RP1: variants seen among roughly 807,000 people sequenced by gnomAD.
RP1 encodes the protein RP1 axonemal microtubule associated.
A neutral mutation model predicts 14.8 loss-of-function variants in RP1; 16 were observed. The observed-to-expected ratio is 1.08, with a 90% confidence interval of 0.73 to 1.65. RP1 has a LOEUF of 1.65. Among genes scored for constraint, RP1 ranks in the 40% most tolerant of loss-of-function variants. RP1 has a pLI of 0.00. For synonymous variants in RP1, 876 were observed against 883.6 expected, an observed-to-expected ratio of 0.99 and a Z score of 0.15; for missense variants, 2,631 against 2,535.0, an observed-to-expected ratio of 1.04 and a Z score of -0.81.
In RP1 at chr8:54,630,382, C is replaced by T. The variant is rs1477280850; in HGVS notation, c.*29C>T. The T allele has an allele frequency of 1.2e-6, 2 of 1,611,548 alleles. No homozygotes were observed. Among genetic ancestry groups the T allele is most frequent in the Non-Finnish European group, 1.7e-6 (2 of 1,178,690 alleles). The stretch of plus-strand genomic sequence containing the variant: ...CAATATCAGCACACTCATTCTTTGT[C>T]AATTCATTTTTTCCCATGAGATGAA... On this transcript the variant is annotated 3_prime_UTR_variant, in exon 4 of 4. Coordinates refer to ENST00000220676, the MANE Select transcript of RP1 (RefSeq NM_006269.2).
chr8:54,807,470 G>T (rs1360316531), intron 24 of RP1, among the ~76,000 whole-genome samples: 1 of 152,096 alleles, frequency 6.6e-6, no homozygotes, highest in Non-Finnish European at 1.5e-5. Context: ...AATGCATGCT[G>T]TATTCAATGT....
intron 26 of RP1, among the ~76,000 whole-genome samples, chr8:54,856,464 C>G (rs1204426164): frequency 6.6e-6 from 1 of 152,076 alleles, no homozygotes; most frequent in Admixed American, 6.6e-5. Context: ...ATACATATTT[C>G]AATACATAGT....
intron 23 of RP1, among the ~76,000 whole-genome samples, chr8:54,779,060 TCTC>T (rs572725224): frequency 2.4e-3 from 361 of 152,210 alleles, no homozygotes; most frequent in Non-Finnish European, 4.9e-3. Flanking sequence ...CACCTGCAGT[TCTC>T]CTCCATCTTT....
At chr8:54,672,839 T>C (rs1461303811) in intron 7 of RP1, among the ~76,000 whole-genome samples, 1 of 152,212 alleles carries the variant, frequency 6.6e-6, no homozygotes, top group Non-Finnish European at 1.5e-5. Context: ...TATGTCAGCA[T>C]ATTTTCATTA....
chr8:54,785,308 T>A (rs549394912), intron 24 of RP1, among the ~76,000 whole-genome samples: 1 of 152,258 alleles, frequency 6.6e-6, no homozygotes, highest in South Asian at 2.1e-4. Context: ...GCATAAAGAA[T>A]GCTTTAAAAC....
intron 1 of RP1, among the ~76,000 whole-genome samples, chr8:54,607,886 A>G (rs893815329): frequency 2.0e-5 from 3 of 152,120 alleles, no homozygotes; most frequent in African/African-American, 7.2e-5. Context: ...TGCTAAGACC[A>G]TTGGAAAAGT....
chr8:54,634,240 C>A (rs1337117357), downstream of RP1, among the ~76,000 whole-genome samples: 1 of 152,028 alleles, frequency 6.6e-6, no homozygotes. Context: ...GACCATGTGC[C>A]AAAGATTGTA....
At chr8:54,607,956 A>T (rs1805498104) in intron 1 of RP1, among the ~76,000 whole-genome samples, 2 of 151,970 alleles carry the variant, frequency 1.3e-5, no homozygotes, top group African/African-American at 4.8e-5. Context: ...TCTTTCTTTG[A>T]CTAGGAAAGG....
chr8:54,842,275 A>G (rs1811805668), intron 25 of RP1, among the ~76,000 whole-genome samples: 1 of 152,202 alleles, frequency 6.6e-6, no homozygotes, highest in Non-Finnish European at 1.5e-5. Context: ...AATCGGGGCA[A>G]GTGGCCAGGT....
chr8:54,587,072 A>G (rs201283688), intron 1 of RP1, among the ~76,000 whole-genome samples: 2 of 152,178 alleles, frequency 1.3e-5, no homozygotes, highest in East Asian at 3.9e-4. Flanking sequence ...GAAATCACCC[A>G]TCTTCTGCGT....
intron 7 of RP1, among the ~76,000 whole-genome samples, chr8:54,668,401 C>T (rs1021129190): frequency 6.6e-6 from 1 of 152,134 alleles, no homozygotes; most frequent in Non-Finnish European, 1.5e-5. Context: ...GAAGAACATT[C>T]CATGCTTATG....
At chr8:54,720,350 A>G (rs1207457588) in intron 16 of RP1, 1 of 1,496,976 alleles carries the variant, frequency 6.7e-7, no homozygotes, top group African/African-American at 1.4e-5. Flanking sequence ...TTGCTTTATG[A>G]TGGTTTGTGT....
At chr8:54,621,722 T>C (rs1805885153) in intron 2 of RP1, 141 bp downstream of exon 2, 1 of 1,239,924 alleles carries the variant, frequency 8.1e-7, no homozygotes. Context: ...TGTGCTCCGA[T>C]GCTGCCTTTG....
At chr8:54,660,917 A>G (rs1469906105) in intron 6 of RP1, among the ~76,000 whole-genome samples, 1 of 152,058 alleles carries the variant, frequency 6.6e-6, no homozygotes, top group Non-Finnish European at 1.5e-5. Flanking sequence ...CACAAAGGTG[A>G]TAGACCACTG....
chr8:54,597,599 T>C (rs1204546257), intron 1 of RP1, among the ~76,000 whole-genome samples: 1 of 152,198 alleles, frequency 6.6e-6, no homozygotes, highest in Non-Finnish European at 1.5e-5. Context: ...TGGAGCACAC[T>C]GAATGTTGTC....
chr8:54,580,375 C>T (rs868115782), intron 1 of RP1, among the ~76,000 whole-genome samples: 31 of 129,514 alleles, frequency 2.4e-4, no homozygotes, highest in South Asian at 1.3e-3. Context: ...GGTGTGATCT[C>T]GGCTCACTGC....
intron 27 of RP1, among the ~76,000 whole-genome samples, chr8:54,862,022 G>C (rs894803890): frequency 2.0e-5 from 3 of 152,162 alleles, no homozygotes; most frequent in Non-Finnish European, 4.4e-5. Context: ...GGTTGTCACA[G>C]CTGGTAGGTG....
At chr8:54,775,421 TG>T (rs1308152934) in intron 23 of RP1, among the ~76,000 whole-genome samples, 1 of 152,182 alleles carries the variant, frequency 6.6e-6, no homozygotes, top group Non-Finnish European at 1.5e-5. Context: ...GCTCGCTTTC[TG>T]GGAATGTTAG....
intron 15 of RP1, among the ~76,000 whole-genome samples, chr8:54,709,886 A>T (rs1808254734): frequency 6.6e-6 from 1 of 152,210 alleles, no homozygotes. Flanking sequence ...GTTACTCAAA[A>T]TACTGTATTT....
Sources: allele counts gnomAD v4.1 joint callset (sites outside exome capture counted in the v4.1 genomes callset), GRCh38; gene constraint gnomAD v4.1.1; transcripts MANE v1.5; gene names NCBI Gene and HGNC (gene_info 2026-07-23, HGNC 2026-07-21).